The following ACACA variants were observed in gnomAD, a reference collection of about 807,000 sequenced individuals.
The protein encoded by ACACA is acetyl-CoA carboxylase alpha.
ACACA carries 103 observed loss-of-function variants against 296.1 expected under a neutral mutation model. That is an observed-to-expected ratio of 0.35 (90% CI 0.30 to 0.41). The LOEUF (loss-of-function observed/expected upper bound fraction) is 0.41. Ranked by LOEUF, ACACA falls within the 10% of genes least tolerant of loss-of-function variation. The probability of loss-of-function intolerance (pLI) is 1.00; values close to 1 mark genes in which losing one functional copy is unlikely to be tolerated. For synonymous variants in ACACA, 953 were observed against 1,038.6 expected (o/e 0.92, Z 1.58); for missense variants, 1,554 against 2,989.7 (o/e 0.52, Z 11.20).
chr17:37,262,302 A>T (rs924241581), intron 11 of ACACA, among the ~76,000 whole-genome samples: 1 of 152,176 alleles, frequency 6.6e-6, no homozygotes, highest in African/African-American at 2.4e-5. Context: ...GTCCAGTGGA[A>T]TGTGAGCAGA....
At chr17:37,325,575 C>CTTTT (rs2047574107) in intron 3 of ACACA, among the ~76,000 whole-genome samples, 1 of 98,308 alleles carries the variant, frequency 1.0e-5, no homozygotes, top group Admixed American at 1.1e-4. Context: ...ATTTTCTTTT[C>CTTTT]TTTCTTTTTT....
intron 11 of ACACA, among the ~76,000 whole-genome samples, chr17:37,261,260 G>C (rs571052186): frequency 3.3e-5 from 5 of 152,224 alleles, no homozygotes; most frequent in South Asian, 4.1e-4. Context: ...AAGATCAAAC[G>C]TGCTGCTTTA....
At position 37,087,412 on chromosome 17, in the gene ACACA, G is replaced by A; in HGVS notation, c.7056C>T (p.Ala2352=). The change falls in exon 56 of 56, where the codon GCC becomes GCT. Residue 2352 remains alanine, a synonymous_variant. Coordinates refer to ENST00000616317, the MANE Select transcript of ACACA (RefSeq NM_198834.3). The stretch of plus-strand genomic sequence containing the variant: ...GCGTCATATGGATGATGGAATCCAT[G>A]GCAACCTCTGGATTGGCCTGGACCA... ...RSLVQANPEV[A]MDSIIHMTQH... is the part of the protein sequence containing the mutation. 3 of 1,614,086 alleles carry A rather than the reference G, an allele frequency of 1.9e-6. No individual in the cohort carries two copies. Among genetic ancestry groups the A allele is most frequent in the Non-Finnish European group, 2.5e-6 (3 of 1,180,012 alleles).
intron 52 of ACACA, among the ~76,000 whole-genome samples, chr17:37,099,931 G>A (rs1038498091): frequency 6.6e-6 from 1 of 152,116 alleles, no homozygotes; most frequent in Non-Finnish European, 1.5e-5. Flanking sequence ...AAAAATGCAG[G>A]AGCCAGTTTT....
At chr17:37,286,678 G>A (rs1297180556) in intron 3 of ACACA, among the ~76,000 whole-genome samples, 1 of 152,160 alleles carries the variant, frequency 6.6e-6, no homozygotes, top group Admixed American at 6.5e-5. Context: ...GCAGCAGTGG[G>A]TTGTGGCTCT....
chr17:37,359,668 G>A (rs980273166), intron 1 of ACACA, among the ~76,000 whole-genome samples: 1 of 152,210 alleles, frequency 6.6e-6, no homozygotes, highest in African/African-American at 2.4e-5. Context: ...GAATGGGGCA[G>A]GCGGTGTGCG....
chr17:37,237,785 G>C (rs576394917), intron 24 of ACACA, among the ~76,000 whole-genome samples: 50 of 152,042 alleles, frequency 3.3e-4, no homozygotes, highest in Middle Eastern at 3.4e-3. Context: ...TTTGGAGACT[G>C]TGTCCTGCTC....
intron 21 of ACACA, among the ~76,000 whole-genome samples, chr17:37,244,198 T>TAA (rs554571885): frequency 4.1e-5 from 5 of 120,486 alleles, no homozygotes; most frequent in Non-Finnish European, 1.8e-5. Context: ...CCACCTCTAC[T>TAA]AAAAAAAAAA....
intron 41 of ACACA, chr17:37,162,830 C>G (rs1224991274): frequency 6.2e-6 from 1 of 161,878 alleles, no homozygotes; most frequent in Non-Finnish European, 1.3e-5. Flanking sequence ...GAAATCCCCC[C>G]TGCAGGTGAA....
In ACACA at chr17:37,217,796, C is replaced by G. The variant is rs1212878419; in HGVS notation, c.3683+3928G>C. On this transcript the variant is annotated intron_variant, in intron 29 of 55. Coordinates refer to ENST00000616317, the MANE Select transcript of ACACA (RefSeq NM_198834.3). ...GTTTTCTCCCCCAATAATTTTTGGT[C>G]TGTACTAGGTATGGTGGCACATGCC... 2.9e-5 allele frequency among the ~76,000 whole-genome samples: 4 copies of G among 137,692 alleles called. No homozygotes were observed. The East Asian group carries it at 9.2e-4, about 32-fold the overall frequency. The allele number at this position is 137,692 out of a possible 152,430, so 90.3% of individuals were successfully genotyped here. A position where few individuals can be genotyped will look rare whatever the true frequency, so the allele number is the denominator to read the frequency against.
At chr17:37,089,208 C>T (rs2072439007) in intron 54 of ACACA, 134 bp from the exon 55 acceptor site, 7 of 1,335,536 alleles carry the variant, frequency 5.2e-6, no homozygotes, top group East Asian at 2.3e-5. Context: ...CTGTCAGCAT[C>T]GTGCAGGAGG....
intron 3 of ACACA, among the ~76,000 whole-genome samples, chr17:37,293,967 G>A (rs993855961): frequency 6.6e-6 from 1 of 152,150 alleles, no homozygotes; most frequent in Non-Finnish European, 1.5e-5. Context: ...ATCATTTAAA[G>A]TTAGTTATTT....
rs1413590831 is a variant in ACACA at position 37,097,114 on chromosome 17, C to T, written c.6773G>A (p.Arg2258His). The part of the protein sequence containing the change: ...SRTFFYWRLR[R>H]LLLEDLVKKK... Reference sequence around the variant, plus strand: ...CTTGACCAGGTCCTCCAGCAGAAGACGCCTCAGCCGCCAGTAGAAGAAGGT... The same window carrying T: ...CTTGACCAGGTCCTCCAGCAGAAGATGCCTCAGCCGCCAGTAGAAGAAGGT... Residue 2258 changes from arginine to histidine, a missense_variant, in exon 54 of 56, where the codon CGT (arginine) becomes CAT (histidine). Arg to His is a conservative substitution (Grantham distance 29). Around this residue, in one of 16 missense-constraint regions of ACACA, gnomAD observed 553 missense variants for 1,043.6 expected, o/e 0.53. Coordinates refer to ENST00000616317, the MANE Select transcript of ACACA (RefSeq NM_198834.3). The surrounding 1 kb of genome is among the most constrained non-coding windows in gnomAD (Gnocchi z 4.8). 6 of 1,613,910 alleles carry T rather than the reference C, an allele frequency of 3.7e-6. No individual in the cohort carries two copies. Among genetic ancestry groups the T allele is most frequent in the East Asian group, 2.2e-5 (1 of 44,872 alleles).
Position 37,329,356 on chromosome 17 carries a change from G to A in ACACA, c.338+817C>T, listed in dbSNP as rs558929232. ...TCACTGAAAGACCTAGCAGGTAGAA[G>A]TGGCCAGGTGTAGTGGTTCATATCT... On this transcript the variant is annotated intron_variant, in intron 3 of 55. Transcript: ENST00000616317. Among the ~76,000 whole-genome samples the A allele has an allele frequency of 1.4e-3, 216 of 152,252 alleles. 1 individual carries two copies. Among genetic ancestry groups the A allele is most frequent in the Middle Eastern group, 0.014 (4 of 294 alleles).
Position 37,330,314 on chromosome 17 carries a change from G to T in ACACA, c.197C>A (p.Ser66Ter). 3 of 1,614,180 alleles carry T rather than the reference G, an allele frequency of 1.9e-6. No individual in the cohort carries two copies. The highest frequency in any genetic ancestry group is 2.5e-6 in the Non-Finnish European group (3 of 1,180,036). The change falls in exon 3 of 56, where the codon TCA becomes TAA. Residue 66 changes from serine (S) to a stop codon, truncating the protein, a stop_gained. Coordinates refer to ENST00000616317, the MANE Select transcript of ACACA (RefSeq NM_198834.3). LOFTEE classifies it high-confidence loss of function. ...CACCAGGTTGCTGATCTCATCCTCT[G>T]AGTTATCTTCAGACACAGAACCTAT... ...FIIGSVSEDNSEDEISNLVKL... is the reference protein window; with the variant it reads ...FIIGSVSEDN
chr17:37,159,159 C>T (rs1430512661), intron 42 of ACACA, among the ~76,000 whole-genome samples: 2 of 151,676 alleles, frequency 1.3e-5, no homozygotes, highest in East Asian at 3.9e-4. Context: ...GCCTGGGTGA[C>T]AGAGCTAGAC....
At chr17:37,252,191 T>G in intron 15 of ACACA, 83 bp from the exon 16 acceptor site, 1 of 1,118,246 alleles carries the variant, frequency 8.9e-7, no homozygotes, top group Non-Finnish European at 1.4e-6. Flanking sequence ...CTCAAATTTG[T>G]TGTGATGAAA....
At chr17:37,223,699 T>A (rs1405026861) in intron 27 of ACACA, 98 bp from the exon 28 acceptor site, 39 of 908,664 alleles carry the variant, frequency 4.3e-5, no homozygotes, top group Non-Finnish European at 6.3e-5. Flanking sequence ...AACCTAAGAA[T>A]TTTGTCTCTG....
At chr17:37,390,328 A>C (rs1347329773) in intron 1 of ACACA, among the ~76,000 whole-genome samples, 1 of 72,870 alleles carries the variant, frequency 1.4e-5, no homozygotes, top group Non-Finnish European at 2.3e-5. Context: ...ATATATATAT[A>C]TATATAAAAG....
Sources: gnomAD v4.1 joint callset for allele counts (sites outside exome capture counted in the v4.1 genomes callset) on GRCh38, gnomAD v4.1.1 for gene constraint, gnomAD v4.1.1 regional missense constraint, Gnocchi (gnomAD v3.1) non-coding constraint, MANE v1.5 for transcripts, NCBI Gene and HGNC (gene_info 2026-07-23, HGNC 2026-07-21) for gene names.